The following LRRIQ4 variants were observed in gnomAD, a reference collection of about 807,000 sequenced individuals.
LRRIQ4 encodes leucine-rich repeat and IQ domain-containing protein 4.
A neutral mutation model predicts 40.1 loss-of-function variants in LRRIQ4; 21 were observed. The ratio of observed to expected loss-of-function variants is 0.52; its 90% CI spans 0.37 to 0.75. The LOEUF (loss-of-function observed/expected upper bound fraction) is 0.75. LRRIQ4 is among the 30% of genes least tolerant of loss of function. LRRIQ4 has a pLI of 0.00. For missense variants in LRRIQ4, 655 were observed against 660.0 expected (o/e 0.99, Z 0.08); for synonymous variants, 277 against 277.1 (o/e 1.00, Z 0.00).
chr3:169,828,792 A>T lies in LRRIQ4; in HGVS notation c.1054A>T (p.Lys352Ter), dbSNP rs753690455. Residue 352 changes from lysine (K) to a stop codon, truncating the protein, a stop_gained, in exon 3 of 6, where the codon AAG becomes TAG. Coordinates refer to ENST00000340806, the MANE Select transcript of LRRIQ4 (RefSeq NM_001080460.3). LOFTEE classifies it high-confidence loss of function. Reference sequence around the variant, plus strand: ...AGAATTGGGCTCACTTTCAAAACTGAAGATACTTGGACTAACAGGAAATGA... The same window carrying T: ...AGAATTGGGCTCACTTTCAAAACTGTAGATACTTGGACTAACAGGAAATGA... Reference protein sequence around the residue: ...PSELGSLSKLKILGLTGNEFL... With the variant: ...PSELGSLSKL The T allele has an allele frequency of 3.1e-6, 5 of 1,613,124 alleles. No individual in the cohort carries two copies. In the East Asian group the frequency reaches 1.1e-4, roughly 36 times the overall value.
At chr3:169,826,492 A>G (rs538725543) in intron 2 of LRRIQ4, among the ~76,000 whole-genome samples, 1 of 152,270 alleles carries the variant, frequency 6.6e-6, no homozygotes, top group African/African-American at 2.4e-5. Flanking sequence ...AATTGTCCTC[A>G]TCTAATGCTC....
At chr3:169,830,408 AATGC>A in intron 3 of LRRIQ4, 80 bp from the exon 4 acceptor site, 1 of 548,960 alleles carries the variant, frequency 1.8e-6, no homozygotes, top group Non-Finnish European at 2.6e-6. Flanking sequence ...AAAAAAAAAA[AATGC>A]ATGAGCACCC....
At chr3:169,821,838 A>G in intron 1 of LRRIQ4, 53 bp from the exon 2 acceptor site, 1 of 915,478 alleles carries the variant, frequency 1.1e-6, no homozygotes, top group Non-Finnish European at 1.5e-6. Flanking sequence ...AAGGATAGCA[A>G]GTCTGGTGGC....
In LRRIQ4 at chr3:169,822,182, C is replaced by G. The variant is rs770984222; in HGVS notation, c.261C>G (p.Cys87Trp). ...YLDKNNLRSL[C>W]PALGLLSSLE... ...ATAAGAACAACCTGAGGAGCCTGTG[C>G]CCGGCGCTGGGGCTGCTGAGCAGCC... Residue 87 changes from cysteine (C) to tryptophan (W), a missense_variant, in exon 2 of 6, where the codon TGC (cysteine) becomes TGG (tryptophan). Coordinates refer to ENST00000340806, the MANE Select transcript of LRRIQ4 (RefSeq NM_001080460.3). 1.9e-6 allele frequency: 3 copies of G among 1,606,970 alleles called. No individual in the cohort carries two copies. The highest frequency in any genetic ancestry group is 2.5e-6 in the Non-Finnish European group (3 of 1,178,116).
chr3:169,822,671 G>A lies in LRRIQ4; in HGVS notation c.750G>A (p.Pro250=). 6.2e-7 allele frequency: 1 copy of A among 1,613,910 alleles called. No individual in the cohort carries two copies. The highest frequency in any genetic ancestry group is 1.1e-5 in the South Asian group (1 of 91,082). The change falls in exon 2 of 6, where the codon CCG becomes CCA. Residue 250 remains proline (P), a synonymous_variant. Coordinates refer to ENST00000340806, the MANE Select transcript of LRRIQ4 (RefSeq NM_001080460.3). The part of the protein sequence containing the change: ...DLSHNLLHSI[P]KSFAELRKMT... ...CCCACAACCTCCTCCACTCCATCCC[G>A]AAGAGCTTCGCCGAGCTCAGGAAGA...
At chr3:169,817,673 T>C (rs1227744322) in intron 1 of LRRIQ4, among the ~76,000 whole-genome samples, 2 of 152,132 alleles carry the variant, frequency 1.3e-5, no homozygotes, top group Non-Finnish European at 2.9e-5. Context: ...CCCTTTATCA[T>C]TATATAATGA....
chr3:169,814,875 A>G lies in LRRIQ4; in HGVS notation c.-32+1829A>G, dbSNP rs191881877. ...CATATGGATATCCAGTTTTCCCAGA[A>G]CCGTTATTGAAGAAACTATCTTTTC... On this transcript the variant is annotated intron_variant, in intron 1 of 5. Transcript: ENST00000340806. 2.0e-5 allele frequency among the ~76,000 whole-genome samples: 3 copies of G among 152,204 alleles called. No homozygotes were observed. The East Asian group carries it at 5.8e-4, about 29-fold the overall frequency.
chr3:169,832,880 C>A, intron 4 of LRRIQ4, 107 bp from the exon 5 acceptor site: 1 of 971,786 alleles, frequency 1.0e-6, no homozygotes, highest in Non-Finnish European at 1.5e-6. Flanking sequence ...CTCTCATTCC[C>A]TTTGCAAATG....
At chr3:169,818,435 T>C (rs1779808633) in intron 1 of LRRIQ4, among the ~76,000 whole-genome samples, 1 of 152,246 alleles carries the variant, frequency 6.6e-6, no homozygotes, top group African/African-American at 2.4e-5. Context: ...GAGGGTTCTA[T>C]TCAGCCATCT....
chr3:169,837,294 C>T (rs1181110618), intron 5 of LRRIQ4, among the ~76,000 whole-genome samples, 185 bp from the exon 6 acceptor site: 2 of 152,188 alleles, frequency 1.3e-5, no homozygotes, highest in East Asian at 3.8e-4. Flanking sequence ...ACAATAAATG[C>T]ATTTTTTAAA....
chr3:169,821,940 T>A lies in LRRIQ4; in HGVS notation c.19T>A (p.Ser7Thr), dbSNP rs756142358. Residue 7 changes from serine to threonine, a missense_variant, in exon 2 of 6, where the codon TCA becomes ACA. Ser to Thr is a moderately conservative substitution (Grantham distance 58). Coordinates refer to ENST00000340806, the MANE Select transcript of LRRIQ4 (RefSeq NM_001080460.3). The stretch of plus-strand genomic sequence containing the variant: ...CACAATAATGTCAAAAGACATAAAA[T>A]CAGTAGAACATTCACCTAAAATTCA... MSKDIK[S>T]VEHSPKIHQR... The A allele has an allele frequency of 6.1e-6, 9 of 1,473,166 alleles. No individual in the cohort carries two copies. Among genetic ancestry groups the A allele is most frequent in the Non-Finnish European group, 8.1e-6 (9 of 1,113,674 alleles). 91.3% of individuals were successfully genotyped at this position (1,473,166 alleles called of 1,614,324 possible).
At chr3:169,826,589 A>T (rs1003464732) in intron 2 of LRRIQ4, among the ~76,000 whole-genome samples, 2 of 152,072 alleles carry the variant, frequency 1.3e-5, no homozygotes, top group African/African-American at 4.8e-5. Flanking sequence ...AAATACTCCT[A>T]AAAAAAATTT....
In LRRIQ4 at chr3:169,833,033, A is replaced by G. The variant is rs1576771236; in HGVS notation, c.1380A>G (p.Pro460=). ...RLEDNLLTHL[P]ENLDSLVNLK... is the part of the protein sequence containing the mutation. The stretch of plus-strand genomic sequence containing the variant: ...AGGACAACTTGCTCACCCATCTTCC[A>G]GAGAATTTGGATTCCCTAGTGAATC... Residue 460 remains proline, a synonymous_variant, in exon 5 of 6, where the codon CCA becomes CCG. Transcript: ENST00000340806. The G allele has an allele frequency of 3.7e-6, 6 of 1,613,646 alleles. No individual in the cohort carries two copies. Among genetic ancestry groups the G allele is most frequent in the Non-Finnish European group, 5.1e-6 (6 of 1,179,838 alleles).
intron 1 of LRRIQ4, among the ~76,000 whole-genome samples, chr3:169,816,503 T>C (rs549990979): frequency 6.6e-6 from 1 of 152,220 alleles, no homozygotes; most frequent in South Asian, 2.1e-4. Context: ...TTTTCATCTC[T>C]GATTTTATTT....
intron 4 of LRRIQ4, among the ~76,000 whole-genome samples, chr3:169,831,995 A>T (rs1451685543): frequency 4.0e-5 from 6 of 151,180 alleles, no homozygotes; most frequent in Admixed American, 3.9e-4. Context: ...AAAAAAAAAA[A>T]GAAAAAAAAA....
At chr3:169,824,244 C>T (rs1421141565) in intron 2 of LRRIQ4, among the ~76,000 whole-genome samples, 1 of 151,990 alleles carries the variant, frequency 6.6e-6, no homozygotes, top group Non-Finnish European at 1.5e-5. Flanking sequence ...CAGCTGGATG[C>T]AGTGGCTCAC....
intron 1 of LRRIQ4, among the ~76,000 whole-genome samples, chr3:169,814,670 A>G (rs187435190): frequency 2.0e-5 from 3 of 152,238 alleles, no homozygotes; most frequent in African/African-American, 7.2e-5. Flanking sequence ...TTTTTAGTAG[A>G]GACAGGGTTT....
intron 1 of LRRIQ4, among the ~76,000 whole-genome samples, chr3:169,814,016 T>C (rs1472092696): frequency 6.6e-6 from 1 of 152,134 alleles, no homozygotes; most frequent in Non-Finnish European, 1.5e-5. Flanking sequence ...GGGTGCTCTT[T>C]CAGTTTTGCT....
chr3:169,815,813 T>A (rs1331931007), intron 1 of LRRIQ4, among the ~76,000 whole-genome samples: 1 of 152,250 alleles, frequency 6.6e-6, no homozygotes, highest in East Asian at 1.9e-4. Context: ...GTATCTTCCA[T>A]CTACTCCCAG....
Sources: allele counts gnomAD v4.1 joint callset (sites outside exome capture counted in the v4.1 genomes callset), GRCh38; gene constraint gnomAD v4.1.1; transcripts MANE v1.5; gene names NCBI Gene and HGNC (gene_info 2026-07-23, HGNC 2026-07-21).